ABCC4: variants seen among roughly 807,000 people sequenced by gnomAD.
The protein encoded by ABCC4 is ATP-binding cassette sub-family C member 4.
Under a neutral mutation model 168.5 loss-of-function variants are expected in ABCC4, and 102 were observed. The ratio of observed to expected loss-of-function variants is 0.61; its 90% CI spans 0.52 to 0.71. The LOEUF is 0.71. Ranked by LOEUF, ABCC4 falls within the 30% of genes least tolerant of loss-of-function variation. The pLI is 0.00. For missense variants in ABCC4, 1,402 were observed against 1,605.8 expected, an observed-to-expected ratio of 0.87 and a Z score of 2.17; for synonymous variants, 617 against 590.7, an observed-to-expected ratio of 1.04 and a Z score of -0.65.
At chr13:95,286,964 AAAAAAAAAG>A (rs1166391600) in intron 1 of ABCC4, among the ~76,000 whole-genome samples, 1 of 150,318 alleles carries the variant, frequency 6.7e-6, no homozygotes, top group Non-Finnish European at 1.5e-5. Flanking sequence ...CTCAAAAAAA[AAAAAAAAAG>A]AAAAGAAAAG....
At chr13:95,054,257 A>G (rs1472242203) in intron 26 of ABCC4, among the ~76,000 whole-genome samples, 1 of 152,028 alleles carries the variant, frequency 6.6e-6, no homozygotes, top group Non-Finnish European at 1.5e-5. Flanking sequence ...ATAAAATTAC[A>G]TCAATTTAAA....
intron 21 of ABCC4, among the ~76,000 whole-genome samples, chr13:95,080,730 C>T (rs1288087357): frequency 1.3e-5 from 2 of 152,216 alleles, no homozygotes; most frequent in Non-Finnish European, 2.9e-5. Flanking sequence ...ACCTCGGCCT[C>T]CCAAAGTGCC....
chr13:95,253,245 C>T (rs945865956), intron 1 of ABCC4, among the ~76,000 whole-genome samples: 2 of 152,220 alleles, frequency 1.3e-5, no homozygotes, highest in Non-Finnish European at 2.9e-5. Flanking sequence ...TCCCATGGGG[C>T]TCACCCTCTG....
At chr13:95,053,999 T>C (rs1594015810) in intron 26 of ABCC4, 4 of 74,964 alleles carry the variant, frequency 5.3e-5, no homozygotes, top group Non-Finnish European at 8.2e-5. Flanking sequence ...AAAAAATCTC[T>C]CCAATGTCAG....
intron 20 of ABCC4, chr13:95,096,115 G>T: frequency 1.7e-6 from 1 of 603,148 alleles, no homozygotes; most frequent in Non-Finnish European, 2.9e-6. Context: ...TGCTTGAGGA[G>T]GGAGGAGGAT....
In ABCC4 at chr13:95,020,996, AT is replaced by A. The variant is rs4148552; in HGVS notation, c.*578del. 77,936 of 149,760 alleles carry A rather than the reference AT, an allele frequency of 0.52. 21,266 individuals carry two copies. The highest frequency in any genetic ancestry group is 0.61 in the Non-Finnish European group (40,786 of 67,356). 9.3% of individuals were successfully genotyped at this position (149,760 alleles called of 1,614,324 possible). On this transcript the variant is annotated 3_prime_UTR_variant, in exon 31 of 31. Transcript: ENST00000645237. ...CCTTCTATCCTTTAACCATGTATCC[AT>A]TTTTTTTTTTGATGGGGAGTAAGGG...
chr13:95,023,263 C>T (rs2031200571), intron 30 of ABCC4, among the ~76,000 whole-genome samples: 1 of 152,090 alleles, frequency 6.6e-6, no homozygotes, highest in African/African-American at 2.4e-5. Flanking sequence ...ACTTTAAACC[C>T]AAATGGTCTT....
Position 95,237,149 on chromosome 13 carries a change from C to A in ABCC4, c.307-2315G>T, listed in dbSNP as rs913901474. Among the ~76,000 whole-genome samples, 6 of 152,100 alleles carry A rather than the reference C, an allele frequency of 3.9e-5. No homozygotes were observed. In the East Asian group the frequency reaches 1.2e-3, roughly 29 times the overall value. Reference sequence around the variant, plus strand: ...GAAATAACAGATGCAATAAACCCAGCGAAAGAGAATGCAAAAGGCAGGTAG... The same window carrying A: ...GAAATAACAGATGCAATAAACCCAGAGAAAGAGAATGCAAAAGGCAGGTAG... On this transcript the variant is annotated intron_variant, in intron 3 of 30. Coordinates refer to ENST00000645237, the MANE Select transcript of ABCC4 (RefSeq NM_005845.5).
chr13:95,126,237 G>C (rs1216279253), intron 19 of ABCC4, among the ~76,000 whole-genome samples: 1 of 152,050 alleles, frequency 6.6e-6, no homozygotes, highest in Non-Finnish European at 1.5e-5. Context: ...ATCTCCAAAA[G>C]AATGACTATT....
intron 6 of ABCC4, 145 bp downstream of exon 6, chr13:95,209,289 C>T: frequency 1.1e-6 from 1 of 934,120 alleles, no homozygotes. Context: ...AGGACAGAGG[C>T]CCCCTTGGCT....
intron 19 of ABCC4, among the ~76,000 whole-genome samples, chr13:95,148,262 A>G (rs1594182260): frequency 1.3e-5 from 2 of 152,182 alleles, no homozygotes; most frequent in African/African-American, 4.8e-5. Context: ...TATCATCGCC[A>G]TACTACAAAT....
At chr13:95,197,506 A>T (rs2038491395) in intron 8 of ABCC4, among the ~76,000 whole-genome samples, 1 of 152,130 alleles carries the variant, frequency 6.6e-6, no homozygotes, top group African/African-American at 2.4e-5. Flanking sequence ...GTTAAATGAG[A>T]CTCCACTCAA....
At chr13:95,057,750 A>C (rs2033119726) in intron 26 of ABCC4, among the ~76,000 whole-genome samples, 1 of 152,246 alleles carries the variant, frequency 6.6e-6, no homozygotes, top group South Asian at 2.1e-4. Flanking sequence ...TGCTCCACAC[A>C]ACCCCAGGAA....
chr13:95,156,678 G>C (rs2139525339), intron 19 of ABCC4, among the ~76,000 whole-genome samples: 1 of 152,222 alleles, frequency 6.6e-6, no homozygotes, highest in African/African-American at 2.4e-5. Context: ...AGGTGTCCGA[G>C]GGCAGCTGAA....
At position 95,234,679 on chromosome 13, in the gene ABCC4, TAA is replaced by T; in HGVS notation, c.460_461del (p.Leu154IlefsTer28). 6.2e-7 allele frequency: 1 copy of T among 1,614,112 alleles called. No homozygotes were observed. Among genetic ancestry groups the T allele is most frequent in the Non-Finnish European group, 8.5e-7 (1 of 1,180,002 alleles). On this transcript the variant is annotated frameshift_variant, in exon 4 of 31. Transcript: ENST00000645237. LOFTEE classifies it high-confidence loss of function. ...CAGCACACTGAACGTGATAAAAATA[TAA>T]GTGATGCAGTATAGCCAAAATGAGC... is the stretch of plus-strand genomic sequence containing the variant. ...CTLILAILHH[L>X]YFYHVQCAGM... is the part of the protein sequence containing the mutation.
intron 19 of ABCC4, among the ~76,000 whole-genome samples, chr13:95,116,278 T>C (rs1237728997): frequency 2.6e-5 from 4 of 151,944 alleles, no homozygotes. Flanking sequence ...TCAGGAAGGG[T>C]TGGTGGGTTC....
intron 20 of ABCC4, among the ~76,000 whole-genome samples, chr13:95,110,806 A>T (rs1036843711): frequency 6.6e-6 from 1 of 151,902 alleles, no homozygotes; most frequent in African/African-American, 2.4e-5. Flanking sequence ...CATCTCTACT[A>T]AAAATACAAA....
intron 20 of ABCC4, among the ~76,000 whole-genome samples, chr13:95,112,413 T>G (rs189755731): frequency 4.5e-4 from 68 of 152,320 alleles, no homozygotes; most frequent in African/African-American, 1.3e-3. Context: ...CTATAGCTAT[T>G]TGATTTTAAA....
At chr13:95,181,731 C>T (rs1372343275) in intron 11 of ABCC4, among the ~76,000 whole-genome samples, 4 of 152,218 alleles carry the variant, frequency 2.6e-5, no homozygotes, top group African/African-American at 7.2e-5. Flanking sequence ...GAGCACGTAA[C>T]TGGACTGAGG....
Sources: gnomAD v4.1 joint callset for allele counts (sites outside exome capture counted in the v4.1 genomes callset) on GRCh38, gnomAD v4.1.1 for gene constraint, MANE v1.5 for transcripts, NCBI Gene and HGNC (gene_info 2026-07-23, HGNC 2026-07-21) for gene names.